Variants in TBC1D22A observed in about 807,000 individuals in gnomAD.
TBC1D22A encodes the protein TBC1 domain family member 22A, also known as putative GTPase activator.
A neutral mutation model predicts 60.2 loss-of-function variants in TBC1D22A; 38 were observed. The observed-to-expected ratio is 0.63, with a 90% CI of 0.49 to 0.83. The LOEUF is 0.83. TBC1D22A is among the 40% of genes least tolerant of loss of function. The probability of loss-of-function intolerance (pLI) is 0.00; values close to 1 mark genes in which losing one functional copy is unlikely to be tolerated. For synonymous variants in TBC1D22A, 302 were observed against 281.7 expected (o/e 1.07, Z -0.72); for missense variants, 628 against 701.0 (o/e 0.90, Z 1.18).
At chr22:46,813,921 T>G (rs568355230) in intron 4 of TBC1D22A, among the ~76,000 whole-genome samples, 9 of 152,308 alleles carry the variant, frequency 5.9e-5, no homozygotes, top group African/African-American at 2.2e-4. Flanking sequence ...GTGGCGTGGT[T>G]TGGACATCTG....
intron 11 of TBC1D22A, among the ~76,000 whole-genome samples, chr22:47,043,260 A>G (rs1005529146): frequency 1.3e-5 from 2 of 152,168 alleles, no homozygotes; most frequent in African/African-American, 4.8e-5. Context: ...ATGGGGCCCC[A>G]GGTTCTAGTA....
At chr22:46,796,410 G>A (rs2084655845) in intron 3 of TBC1D22A, among the ~76,000 whole-genome samples, 1 of 152,190 alleles carries the variant, frequency 6.6e-6, no homozygotes. Flanking sequence ...CTTGCTCAGC[G>A]GCTGCTGGAG....
chr22:46,965,808 A>C (rs2073774742), intron 8 of TBC1D22A, among the ~76,000 whole-genome samples: 1 of 152,088 alleles, frequency 6.6e-6, no homozygotes, highest in African/African-American at 2.4e-5. Context: ...TGTGTTTGCT[A>C]CCTGGAGGGG....
intron 4 of TBC1D22A, among the ~76,000 whole-genome samples, chr22:46,852,440 GAGCACAAGCTTATGAGACTTACGGA>G (rs1169726680): frequency 1.3e-5 from 2 of 152,190 alleles, no homozygotes; most frequent in African/African-American, 4.8e-5. Flanking sequence ...CCTTGAGGCT[GAGCACAAGCTTATGAGACTTACGGA>G]ATCTTCCCTC....
At chr22:46,843,010 G>A (rs2086837493) in intron 4 of TBC1D22A, among the ~76,000 whole-genome samples, 1 of 152,244 alleles carries the variant, frequency 6.6e-6, no homozygotes, top group African/African-American at 2.4e-5. Context: ...CTGTCTCTGA[G>A]TGTCTGCAGT....
chr22:46,784,656 T>C (rs2084083248), intron 1 of TBC1D22A, among the ~76,000 whole-genome samples: 1 of 152,262 alleles, frequency 6.6e-6, no homozygotes, highest in Non-Finnish European at 1.5e-5. Context: ...GCAGAGACTT[T>C]TTTTTTAAAA....
intron 12 of TBC1D22A, among the ~76,000 whole-genome samples, chr22:47,166,043 C>T (rs1401081386): frequency 6.6e-6 from 1 of 152,256 alleles, no homozygotes; most frequent in Non-Finnish European, 1.5e-5. Flanking sequence ...ATTTATTCAT[C>T]TTTGCATGTT....
At chr22:47,076,359 GTGTATATA>G (rs1272325057) in intron 11 of TBC1D22A, among the ~76,000 whole-genome samples, 4 of 85,172 alleles carry the variant, frequency 4.7e-5, no homozygotes, top group African/African-American at 1.3e-4. Context: ...ATATATGTGT[GTGTATATA>G]TATATATATA....
intron 1 of TBC1D22A, among the ~76,000 whole-genome samples, chr22:46,787,875 C>T (rs1023228088): frequency 1.9e-4 from 28 of 150,744 alleles, no homozygotes; most frequent in African/African-American, 6.4e-4. Flanking sequence ...TCCTTATGTC[C>T]TATATGTCAC....
At chr22:46,968,620 C>T (rs906751155) in intron 8 of TBC1D22A, among the ~76,000 whole-genome samples, 5 of 149,808 alleles carry the variant, frequency 3.3e-5, no homozygotes, top group African/African-American at 4.9e-5. Flanking sequence ...GCGTGGCCGG[C>T]GGTCCTGAGT....
intron 12 of TBC1D22A, among the ~76,000 whole-genome samples, chr22:47,143,068 C>T (rs1012050952): frequency 6.6e-6 from 1 of 151,956 alleles, no homozygotes; most frequent in East Asian, 2.0e-4. Flanking sequence ...CCACCCAACT[C>T]CCCAGAGGAA....
Position 46,793,636 on chromosome 22 carries a change from G to T in TBC1D22A, c.255G>T (p.Ala85=). 1 of 1,613,762 alleles carries T rather than the reference G, an allele frequency of 6.2e-7. No individual in the cohort carries two copies. Among genetic ancestry groups the T allele is most frequent in the Non-Finnish European group, 8.5e-7 (1 of 1,180,038 alleles). Residue 85 remains alanine, a synonymous_variant, in exon 3 of 13, where the codon GCG becomes GCT. Transcript: ENST00000337137. ...GEDDDELLAM[A]AESLNSEVVM... ...ACGACGATGAGCTCCTGGCCATGGC[G>T]GCGGAGAGCCTGAACTCCGAGGTGG...
At chr22:46,894,038 A>C (rs893393047) in intron 6 of TBC1D22A, among the ~76,000 whole-genome samples, 3 of 152,232 alleles carry the variant, frequency 2.0e-5, no homozygotes, top group Admixed American at 2.0e-4. Flanking sequence ...GGGCGAAATG[A>C]AATGCAATTG....
At chr22:46,853,011 C>A (rs931714527) in intron 4 of TBC1D22A, among the ~76,000 whole-genome samples, 1 of 152,208 alleles carries the variant, frequency 6.6e-6, no homozygotes, top group Non-Finnish European at 1.5e-5. Context: ...AATGCTGCTT[C>A]TGTTGGGAGC....
At chr22:46,880,054 G>A (rs1247537855) in intron 5 of TBC1D22A, among the ~76,000 whole-genome samples, 1 of 152,204 alleles carries the variant, frequency 6.6e-6, no homozygotes, top group Non-Finnish European at 1.5e-5. Flanking sequence ...GTGAGAGTGT[G>A]AACCCAGGAG....
rs138576280 is a variant in TBC1D22A, at chr22:47,111,520, G to A, written c.1342G>A (p.Gly448Ser). The A allele has an allele frequency of 5.0e-6, 8 of 1,613,722 alleles. No individual in the cohort carries two copies. Among genetic ancestry groups the A allele is most frequent in the Admixed American group, 3.3e-5 (2 of 59,972 alleles). Residue 448 changes from glycine to serine, a missense_variant, in exon 12 of 13, where the codon GGC (glycine) becomes AGC (serine). Physicochemically the swap from Gly to Ser is moderately conservative, Grantham distance 56. Coordinates refer to ENST00000337137, the MANE Select transcript of TBC1D22A (RefSeq NM_014346.5). ...LWDTYQSEPD[G>S]FSHFHLYVCA... ...TTTTCTCTTTTAGTCTGAACCGGAC[G>A]GCTTTTCTCATTTCCACTTGTACGT... is the stretch of plus-strand genomic sequence containing the variant.
chr22:46,805,811 C>G (rs2085103743), intron 4 of TBC1D22A, among the ~76,000 whole-genome samples: 1 of 146,860 alleles, frequency 6.8e-6, no homozygotes, highest in South Asian at 2.4e-4. Context: ...CACCCGATTT[C>G]TGGTTCCTTA....
intron 12 of TBC1D22A, among the ~76,000 whole-genome samples, chr22:47,114,236 G>A (rs374616728): frequency 3.3e-5 from 5 of 152,122 alleles, no homozygotes; most frequent in African/African-American, 7.2e-5. Context: ...AAAGCCACAC[G>A]GCCAGGGTGT....
intron 1 of TBC1D22A, among the ~76,000 whole-genome samples, chr22:46,781,799 T>A (rs2083951075): frequency 6.6e-6 from 1 of 152,188 alleles, no homozygotes; most frequent in South Asian, 2.1e-4. Context: ...CTGTGACCCT[T>A]CATCAGTGTT....
Sources: gnomAD v4.1 joint callset for allele counts (sites outside exome capture counted in the v4.1 genomes callset) on GRCh38, gnomAD v4.1.1 for gene constraint, MANE v1.5 for transcripts, NCBI Gene and HGNC (gene_info 2026-07-23, HGNC 2026-07-21) for gene names.